ALB: variants seen among roughly 807,000 people sequenced by gnomAD.
ALB encodes serum albumin.
Under a neutral mutation model 74.5 loss-of-function variants are expected in ALB, and 37 were observed. The ratio of observed to expected loss-of-function variants is 0.50; its 90% CI spans 0.38 to 0.65. The LOEUF (loss-of-function observed/expected upper bound fraction) is 0.65, where lower values mean the gene tolerates loss of function less well. Among genes scored for constraint, ALB ranks in the 30% least tolerant of loss-of-function variants. The pLI, the probability that ALB is intolerant of heterozygous loss-of-function variation, is 0.00. For missense variants in ALB, 685 were observed against 718.7 expected, an observed-to-expected ratio of 0.95 and a Z score of 0.54; for synonymous variants, 249 against 251.6, an observed-to-expected ratio of 0.99 and a Z score of 0.10.
intron 6 of ALB, 68 bp from the exon 7 acceptor site, chr4:73,411,928 A>G (rs932084427): frequency 1.9e-6 from 3 of 1,585,714 alleles, no homozygotes; most frequent in Admixed American, 1.7e-5. Context: ...GAGAAATAGT[A>G]TTTGCCTAGT....
intron 12 of ALB, chr4:73,419,264 T>G (rs767663463): frequency 7.7e-6 from 4 of 519,726 alleles, no homozygotes; most frequent in Non-Finnish European, 1.4e-5. Context: ...ATGAGTGGTT[T>G]ATACTGATTG....
chr4:73,419,369 C>T (rs1457043237), intron 12 of ALB, 138 bp from the exon 13 acceptor site: 8 of 882,938 alleles, frequency 9.1e-6, no homozygotes, highest in Non-Finnish European at 1.2e-5. Context: ...TATGCCTGAG[C>T]CCCAAAGTAC....
chr4:73,413,735 G>A, intron 8 of ALB, 101 bp downstream of exon 8: 8 of 1,159,014 alleles, frequency 6.9e-6, no homozygotes, highest in Non-Finnish European at 1.0e-5. Flanking sequence ...TTTCCCTGCT[G>A]CCCAGAATGT....
chr4:73,406,785 A>G (rs1230727669), intron 3 of ALB, 24 bp downstream of exon 3: 1 of 1,613,072 alleles, frequency 6.2e-7, no homozygotes, highest in South Asian at 1.1e-5. Flanking sequence ...AATTGTGGAG[A>G]TTCTTTCTTC....
chr4:73,416,203 C>G (rs1719008067), intron 9 of ALB, 53 bp from the exon 10 acceptor site: 1 of 1,462,492 alleles, frequency 6.8e-7, no homozygotes, highest in South Asian at 1.2e-5. Context: ...GAAAAACAAC[C>G]TGCATCTGAT....
chr4:73,406,373 T>G (rs1718729044), intron 2 of ALB, among the ~76,000 whole-genome samples: 1 of 152,378 alleles, frequency 6.6e-6, no homozygotes, highest in Non-Finnish European at 1.5e-5. Context: ...GCTTGCTTAA[T>G]CTATGTGTGT....
At chr4:73,413,833 G>T (rs1718942940) in intron 8 of ALB, among the ~76,000 whole-genome samples, 199 bp downstream of exon 8, 1 of 152,208 alleles carries the variant, frequency 6.6e-6, no homozygotes, top group East Asian at 1.9e-4. Flanking sequence ...ACATGTTCAT[G>T]GCAAAGCTCA....
At chr4:73,420,130 G>A in intron 13 of ALB, 124 bp from the exon 14 acceptor site, 1 of 843,368 alleles carries the variant, frequency 1.2e-6, no homozygotes, top group East Asian at 2.7e-5. Flanking sequence ...GTAGTAAATT[G>A]TAATTAAAGG....
At chr4:73,418,711 C>T (rs7678298) in intron 12 of ALB, among the ~76,000 whole-genome samples, 22,366 of 152,100 alleles carry the variant, frequency 0.15, 1,705 homozygotes, top group South Asian at 0.19. Flanking sequence ...ATGAGACAAA[C>T]CCCCAAGATG....
At chr4:73,404,498 T>G in intron 1 of ALB, 92 bp downstream of exon 1, 2 of 1,104,490 alleles carry the variant, frequency 1.8e-6, no homozygotes, top group Non-Finnish European at 2.8e-6. Context: ...AAGAATTATT[T>G]TGGCATTTAT....
rs978446628 is a variant in ALB at position 73,417,935 on chromosome 4, G to A, written c.1429-153G>A. The stretch of plus-strand genomic sequence containing the variant: ...GCCATCTCGGCTCACTGCAACCTCC[G>A]CCTCCCAGGTTCAAGCCATTCTCCT... On this transcript the variant is annotated intron_variant, in intron 11 of 14. Transcript: ENST00000295897. 2.7e-5 allele frequency: 21 copies of A among 783,666 alleles called. 1 individual carries two copies. The highest frequency in any genetic ancestry group is 6.1e-5 in the South Asian group (4 of 65,504). 48.5% of individuals were successfully genotyped at this position (783,666 alleles called of 1,614,324 possible). A position where few individuals can be genotyped will look rare whatever the true frequency, so the allele number is the denominator to read the frequency against.
intron 1 of ALB, chr4:73,404,836 A>T: frequency 5.0e-6 from 2 of 401,950 alleles, no homozygotes; most frequent in South Asian, 5.8e-5. Flanking sequence ...GTTGCTGTTG[A>T]TAGACACTAA....
chr4:73,414,251 A>C (rs1042463120), intron 8 of ALB, among the ~76,000 whole-genome samples: 2 of 152,228 alleles, frequency 1.3e-5, no homozygotes, highest in Non-Finnish European at 2.9e-5. Context: ...TATGTACCCT[A>C]CAAGATTTCA....
chr4:73,415,043 A>G lies in ALB; in HGVS notation c.1067A>G (p.Tyr356Cys), dbSNP rs1037277082. Residue 356 changes from tyrosine to cysteine, a missense_variant, in exon 9 of 15, where the codon TAT (tyrosine) becomes TGT (cysteine). Coordinates refer to ENST00000295897, the MANE Select transcript of ALB (RefSeq NM_000477.7). ...ATTTTCATCTTAATTAGGTTTTTGT[A>G]TGAATATGCAAGAAGGCATCCTGAT... Reference protein sequence around the residue: ...AKDVFLGMFLYEYARRHPDYS... With the variant: ...AKDVFLGMFLCEYARRHPDYS... 8.7e-6 allele frequency: 14 copies of G among 1,613,942 alleles called. No individual in the cohort carries two copies. In the Admixed American group the frequency reaches 1.3e-4, roughly 15 times the overall value.
rs1280443862 is a variant in ALB, at chr4:73,410,486, T to C, written c.713+77T>C. 5.9e-6 allele frequency: 7 copies of C among 1,180,872 alleles called. No homozygotes were observed. In the East Asian group the frequency reaches 1.6e-4, roughly 28 times the overall value. 73.1% of individuals were successfully genotyped at this position (1,180,872 alleles called of 1,614,324 possible). A position where few individuals can be genotyped will look rare whatever the true frequency, so the allele number is the denominator to read the frequency against. ...GCTTCAGTGACAAATTGTACATTTT[T>C]ATGTATTTTGCAAAGTGCTGTCAAA... On this transcript the variant is annotated intron_variant, in intron 6 of 14. Coordinates refer to ENST00000295897, the MANE Select transcript of ALB (RefSeq NM_000477.7).
Position 73,409,402 on chromosome 4 carries a change from A to G in ALB, c.530A>G (p.Glu177Gly). Reference sequence around the variant, plus strand: ...AGACATCCTTACTTTTATGCCCCGGAACTCCTTTTCTTTGCTAAAAGGTAT... The same window carrying G: ...AGACATCCTTACTTTTATGCCCCGGGACTCCTTTTCTTTGCTAAAAGGTAT... ...ARRHPYFYAPELLFFAKRYKA... is the reference protein window; with the variant it reads ...ARRHPYFYAPGLLFFAKRYKA... Residue 177 changes from glutamate (E) to glycine (G), a missense_variant, in exon 5 of 15, where the codon GAA becomes GGA. Transcript: ENST00000295897. 6.2e-7 allele frequency: 1 copy of G among 1,614,030 alleles called. No homozygotes were observed. The highest frequency in any genetic ancestry group is 8.5e-7 in the Non-Finnish European group (1 of 1,179,908).
chr4:73,420,166 C>A (rs1719109255), intron 13 of ALB, 88 bp from the exon 14 acceptor site: 3 of 1,165,012 alleles, frequency 2.6e-6, no homozygotes, highest in Admixed American at 1.8e-5. Context: ...AATCACTTTG[C>A]AATCATCAAT....
intron 8 of ALB, 30 bp from the exon 9 acceptor site, chr4:73,415,005 C>T (rs756390346): frequency 3.1e-6 from 5 of 1,612,094 alleles, no homozygotes; most frequent in African/African-American, 1.3e-5. Flanking sequence ...ATTTGTCCAA[C>T]AAAGTCTATT....
chr4:73,406,562 C>A, intron 2 of ALB, 67 bp from the exon 3 acceptor site: 1 of 1,488,580 alleles, frequency 6.7e-7, no homozygotes, highest in Non-Finnish European at 9.3e-7. Flanking sequence ...GATTTGTTCT[C>A]TAGCGTAGCA....
Sources: allele counts gnomAD v4.1 joint callset (sites outside exome capture counted in the v4.1 genomes callset), GRCh38; gene constraint gnomAD v4.1.1; transcripts MANE v1.5; gene names NCBI Gene and HGNC (gene_info 2026-07-23, HGNC 2026-07-21).